Variants in SGCZ observed in about 807,000 individuals in gnomAD.
SGCZ encodes the protein sarcoglycan zeta, also known as zeta-sarcoglycan.
SGCZ carries 40 observed loss-of-function variants against 41.3 expected under a neutral mutation model. The ratio of observed to expected loss-of-function variants is 0.97; its 90% CI spans 0.75 to 1.26. SGCZ has a LOEUF of 1.26. Ranked by LOEUF, SGCZ falls within the 50% of genes most tolerant of loss-of-function variation. The pLI is 0.00. For synonymous variants in SGCZ, 206 were observed against 137.5 expected (o/e 1.50, Z -3.49); for missense variants, 552 against 369.8 (o/e 1.49, Z -4.04).
intron 2 of SGCZ, among the ~76,000 whole-genome samples, chr8:14,430,126 T>C (rs890233398): frequency 1.3e-5 from 2 of 151,110 alleles, no homozygotes; most frequent in African/African-American, 2.4e-5. Flanking sequence ...ATTCAAAGAA[T>C]TGATATCAAT....
chr8:14,336,708 G>C (rs944931575), intron 2 of SGCZ, among the ~76,000 whole-genome samples: 1 of 152,088 alleles, frequency 6.6e-6, no homozygotes, highest in African/African-American at 2.4e-5. Flanking sequence ...TTGAATTTGA[G>C]ACAAAGGGAT....
At chr8:15,071,408 T>C (rs1805345364) in intron 1 of SGCZ, among the ~76,000 whole-genome samples, 1 of 152,202 alleles carries the variant, frequency 6.6e-6, no homozygotes, top group South Asian at 2.1e-4. Context: ...GGAAAACCTA[T>C]GTTCTACTCA....
chr8:14,744,582 G>C (rs1303369697), intron 1 of SGCZ, among the ~76,000 whole-genome samples: 1 of 152,072 alleles, frequency 6.6e-6, no homozygotes. Context: ...GGAGAAATGA[G>C]AATACTGGAT....
chr8:14,228,407 T>G (rs1443113805), intron 4 of SGCZ, among the ~76,000 whole-genome samples: 1 of 152,110 alleles, frequency 6.6e-6, no homozygotes, highest in Non-Finnish European at 1.5e-5. Context: ...TATTTTACTT[T>G]TATCCTTTAA....
chr8:14,487,132 G>C (rs1175549487), intron 2 of SGCZ, among the ~76,000 whole-genome samples: 1 of 152,070 alleles, frequency 6.6e-6, no homozygotes, highest in African/African-American at 2.4e-5. Context: ...GCCTTTAATA[G>C]GTTATCCAAA....
At chr8:14,465,682 GC>G (rs1801028304) in intron 2 of SGCZ, among the ~76,000 whole-genome samples, 1 of 151,344 alleles carries the variant, frequency 6.6e-6, no homozygotes, top group Non-Finnish European at 1.5e-5. Flanking sequence ...CTTTGTGGTT[GC>G]CATGGGGATT....
chr8:14,337,686 T>C (rs73516220), intron 2 of SGCZ, among the ~76,000 whole-genome samples: 2,230 of 152,194 alleles, frequency 0.015, 60 homozygotes, highest in African/African-American at 0.05. Context: ...ATGAGTATGA[T>C]CTATGGAAAA....
Position 15,174,068 on chromosome 8 carries a change from G to A in SGCZ, c.39+63517C>T, listed in dbSNP as rs60181373. Among the ~76,000 whole-genome samples, 45 of 152,148 alleles carry A rather than the reference G, an allele frequency of 3.0e-4. 1 individual carries two copies. The East Asian group carries it at 6.8e-3, about 23-fold the overall frequency. ...TTAGTGTGCACTTCAGTTAAGGGCCGTCATTGATCATGCTGCATATTATAC... is the reference window on the plus strand; with the variant it reads ...TTAGTGTGCACTTCAGTTAAGGGCCATCATTGATCATGCTGCATATTATAC... On this transcript the variant is annotated intron_variant, in intron 1 of 7. Transcript: ENST00000382080.
chr8:14,479,740 T>TTTTTC (rs1225994334), intron 2 of SGCZ, among the ~76,000 whole-genome samples: 31 of 66,328 alleles, frequency 4.7e-4, no homozygotes, highest in South Asian at 1.1e-3. Flanking sequence ...TCTTTTTTTT[T>TTTTTC]TTTTTTTTTT....
intron 1 of SGCZ, among the ~76,000 whole-genome samples, chr8:15,139,028 T>G (rs1407766577): frequency 6.6e-6 from 1 of 152,210 alleles, no homozygotes; most frequent in African/African-American, 2.4e-5. Context: ...ATGCCCTAAG[T>G]TAAGTACTTT....
intron 2 of SGCZ, among the ~76,000 whole-genome samples, chr8:14,327,068 G>T (rs1326014356): frequency 6.6e-6 from 1 of 152,214 alleles, no homozygotes; most frequent in African/African-American, 2.4e-5. Flanking sequence ...CAGAAGTGGG[G>T]TTGGGTTACC....
rs560841283 is a variant in SGCZ, at chr8:14,599,940, A to C, written c.40-45014T>G. 7.2e-5 allele frequency among the ~76,000 whole-genome samples: 11 copies of C among 152,338 alleles called. No individual in the cohort carries two copies. The South Asian group carries it at 1.9e-3, about 26-fold the overall frequency. On this transcript the variant is annotated intron_variant, in intron 1 of 7. Coordinates refer to ENST00000382080, the MANE Select transcript of SGCZ (RefSeq NM_139167.4). The stretch of plus-strand genomic sequence containing the variant: ...CTTCATAGGAAATAAAAATAAAATA[A>C]AATAAAAATGGAAAAAAATCTCTTC...
intron 4 of SGCZ, among the ~76,000 whole-genome samples, chr8:14,176,690 C>G (rs957977326): frequency 1.3e-5 from 2 of 152,172 alleles, no homozygotes; most frequent in Non-Finnish European, 2.9e-5. Context: ...TTGGATCAGG[C>G]TAGGTTCAAG....
At chr8:15,220,327 G>A (rs1207533622) in intron 1 of SGCZ, among the ~76,000 whole-genome samples, 3 of 152,112 alleles carry the variant, frequency 2.0e-5, no homozygotes, top group Non-Finnish European at 2.9e-5. Flanking sequence ...TCCATTAAGT[G>A]TAAGAATCAG....
At chr8:14,224,713 G>C (rs555447807) in intron 4 of SGCZ, among the ~76,000 whole-genome samples, 19 of 152,266 alleles carry the variant, frequency 1.2e-4, no homozygotes, top group Non-Finnish European at 2.5e-4. Flanking sequence ...CAGGGAGTAA[G>C]AGGCATAGCA....
chr8:14,384,597 T>C (rs1041841769), intron 2 of SGCZ, among the ~76,000 whole-genome samples: 1 of 152,254 alleles, frequency 6.6e-6, no homozygotes, highest in Non-Finnish European at 1.5e-5. Flanking sequence ...TCTCACTCTG[T>C]TGCCCAGGCT....
intron 2 of SGCZ, among the ~76,000 whole-genome samples, chr8:14,362,829 G>A (rs1454553335): frequency 6.6e-6 from 1 of 151,460 alleles, no homozygotes; most frequent in Admixed American, 6.6e-5. Flanking sequence ...CATCTTGGAA[G>A]CTACCCTACA....
At chr8:14,847,588 T>TATC (rs1803172909) in intron 1 of SGCZ, among the ~76,000 whole-genome samples, 1 of 149,354 alleles carries the variant, frequency 6.7e-6, no homozygotes, top group Non-Finnish European at 1.5e-5. Flanking sequence ...TATTAAAAAT[T>TATC]ATCAGAAAGT....
intron 1 of SGCZ, among the ~76,000 whole-genome samples, chr8:15,089,958 T>C (rs1343819260): frequency 6.6e-6 from 1 of 152,192 alleles, no homozygotes; most frequent in East Asian, 1.9e-4. Flanking sequence ...ACATATTGTG[T>C]GAGATAATAC....
Sources: allele counts gnomAD v4.1 joint callset (sites outside exome capture counted in the v4.1 genomes callset), GRCh38; gene constraint gnomAD v4.1.1; transcripts MANE v1.5; gene names NCBI Gene and HGNC (gene_info 2026-07-23, HGNC 2026-07-21).